Variants in POU6F2 observed in about 807,000 individuals in gnomAD.
POU6F2 encodes the protein POU class 6 homeobox 2.
In POU6F2, 31 loss-of-function variants were observed where a neutral mutation model predicts 71.3. The ratio of observed to expected loss-of-function variants is 0.43; its 90% CI spans 0.33 to 0.59. The LOEUF (loss-of-function observed/expected upper bound fraction) is 0.59. POU6F2 is among the 20% of genes least tolerant of loss of function. POU6F2 has a pLI of 0.04. For synonymous variants in POU6F2, 347 were observed against 355.7 expected, an observed-to-expected ratio of 0.98 and a Z score of 0.27; for missense variants, 783 against 856.8, an observed-to-expected ratio of 0.91 and a Z score of 1.07.
At chr7:39,385,113 A>G (rs1786908412) in intron 5 of POU6F2, among the ~76,000 whole-genome samples, 1 of 152,248 alleles carries the variant, frequency 6.6e-6, no homozygotes, top group Admixed American at 6.5e-5. Context: ...ATCCATGCAG[A>G]GTGACAAGAA....
chr7:39,159,361 A>T lies in POU6F2; in HGVS notation c.278-44874A>T, dbSNP rs6462895. 7.2e-5 allele frequency among the ~76,000 whole-genome samples: 11 copies of T among 151,972 alleles called. No individual in the cohort carries two copies. The East Asian group carries it at 1.9e-3, about 27-fold the overall frequency. On this transcript the variant is annotated intron_variant, in intron 2 of 9. Coordinates refer to ENST00000518318, the MANE Select transcript of POU6F2 (RefSeq NM_001370959.1). ...TGTTTCTTCCCCAATCCATTCTTCAACGCTCATCCAAGAAGAGGTATTAGA... is the reference window on the plus strand; with the variant it reads ...TGTTTCTTCCCCAATCCATTCTTCATCGCTCATCCAAGAAGAGGTATTAGA...
intron 4 of POU6F2, among the ~76,000 whole-genome samples, chr7:39,281,339 A>G (rs187864980): frequency 1.3e-5 from 2 of 152,256 alleles, no homozygotes; most frequent in East Asian, 3.9e-4. Flanking sequence ...ATTTTGAAAT[A>G]TACAATACAA....
chr7:39,096,345 G>T (rs537546719), intron 2 of POU6F2, among the ~76,000 whole-genome samples: 1 of 152,266 alleles, frequency 6.6e-6, no homozygotes, highest in African/African-American at 2.4e-5. Flanking sequence ...AAAGATGCAC[G>T]AGGGTTTTCC....
intron 8 of POU6F2, among the ~76,000 whole-genome samples, chr7:39,457,586 A>G (rs539832063): frequency 6.6e-6 from 1 of 152,320 alleles, no homozygotes. Flanking sequence ...TGGCACACAG[A>G]GTGCACCACA....
intron 5 of POU6F2, among the ~76,000 whole-genome samples, chr7:39,342,778 T>C (rs1785944794): frequency 6.6e-6 from 1 of 152,210 alleles, no homozygotes; most frequent in South Asian, 2.1e-4. Context: ...ACAAAAATTA[T>C]CCAAATACCT....
chr7:39,208,092 TTTAG>T (rs1447231692), intron 4 of POU6F2, among the ~76,000 whole-genome samples: 3 of 152,200 alleles, frequency 2.0e-5, no homozygotes, highest in African/African-American at 7.2e-5. Flanking sequence ...CAAAGTATGT[TTTAG>T]TTATAGTTAT....
intron 1 of POU6F2, among the ~76,000 whole-genome samples, chr7:38,995,054 A>G (rs1476693279): frequency 2.6e-5 from 4 of 152,218 alleles, no homozygotes; most frequent in African/African-American, 9.6e-5. Flanking sequence ...AAAGCCATGC[A>G]TATTCATTAT....
At chr7:39,019,401 T>C (rs1362856655) in intron 1 of POU6F2, among the ~76,000 whole-genome samples, 1 of 152,160 alleles carries the variant, frequency 6.6e-6, no homozygotes, top group Non-Finnish European at 1.5e-5. Flanking sequence ...CGAAATTTTA[T>C]AAGAATGTTC....
chr7:39,413,607 A>G (rs1330094690), intron 6 of POU6F2, among the ~76,000 whole-genome samples: 1 of 152,224 alleles, frequency 6.6e-6, no homozygotes, highest in Non-Finnish European at 1.5e-5. Context: ...ATGTCATTGT[A>G]GCAAATTTTA....
chr7:39,363,122 G>A (rs747606138), intron 5 of POU6F2, among the ~76,000 whole-genome samples: 2 of 152,216 alleles, frequency 1.3e-5, no homozygotes, highest in Non-Finnish European at 2.9e-5. Flanking sequence ...AGAGACTACT[G>A]CAGCAATCCA....
intron 1 of POU6F2, among the ~76,000 whole-genome samples, chr7:39,018,804 G>A (rs1789617011): frequency 6.6e-6 from 1 of 152,170 alleles, no homozygotes; most frequent in Non-Finnish European, 1.5e-5. Flanking sequence ...AAAGTTGAAA[G>A]TGGGAGGAAT....
chr7:39,420,927 GT>G (rs2115968353), intron 6 of POU6F2, among the ~76,000 whole-genome samples: 1 of 152,234 alleles, frequency 6.6e-6, no homozygotes, highest in Admixed American at 6.5e-5. Context: ...TTATCGATTG[GT>G]TTATTAGCAA....
intron 1 of POU6F2, among the ~76,000 whole-genome samples, chr7:39,015,697 T>TA (rs368162504): frequency 1.3e-4 from 12 of 89,174 alleles, no homozygotes; most frequent in Admixed American, 9.8e-4. Flanking sequence ...TATCTATATA[T>TA]TATATATATC....
chr7:39,089,837 A>G (rs1213655809), intron 2 of POU6F2, among the ~76,000 whole-genome samples: 2 of 152,190 alleles, frequency 1.3e-5, no homozygotes, highest in South Asian at 4.1e-4. Flanking sequence ...GAGATTTGAA[A>G]GATGATTTAT....
At chr7:39,244,155 A>C (rs1033940653) in intron 4 of POU6F2, among the ~76,000 whole-genome samples, 1 of 84,954 alleles carries the variant, frequency 1.2e-5, no homozygotes, top group Non-Finnish European at 2.2e-5. Flanking sequence ...AACTTCATAT[A>C]AAAAAAACAT....
rs1293238993 is a variant in POU6F2, at chr7:39,464,345, G to C, written c.1822G>C (p.Glu608Gln). The change falls in exon 10 of 10, where the codon GAG becomes CAG. Residue 608 changes from glutamate to glutamine, a missense_variant. This residue lies in a region of POU6F2 where 211 missense variants were observed against 283.9 expected (regional missense o/e 0.74). Coordinates refer to ENST00000518318, the MANE Select transcript of POU6F2 (RefSeq NM_001370959.1). The surrounding 1 kb of genome is among the most constrained non-coding windows in gnomAD (Gnocchi z 4.1). ...TGCCCAGAAGATCAAGCCGGTGCTT[G>C]AGCGGTGGATGGCTGAGGCTGAGGC... ...KSAQKIKPVLERWMAEAEARH... is the reference protein window; with the variant it reads ...KSAQKIKPVLQRWMAEAEARH... 3 of 1,614,056 alleles carry C rather than the reference G, an allele frequency of 1.9e-6. No homozygotes were observed. Among genetic ancestry groups the C allele is most frequent in the Non-Finnish European group, 2.5e-6 (3 of 1,179,900 alleles).
intron 1 of POU6F2, among the ~76,000 whole-genome samples, chr7:39,056,678 A>ATGTG (rs3057270): frequency 0.016 from 2,278 of 142,118 alleles, 27 homozygotes; most frequent in African/African-American, 0.038. Context: ...GTGTGTGTGT[A>ATGTG]TGTGTGTGTG....
Position 39,290,740 on chromosome 7 carries a change from T to C in POU6F2, c.599-48902T>C, listed in dbSNP as rs1487390783. On this transcript the variant is annotated intron_variant, in intron 4 of 9. Transcript: ENST00000518318. ...CCTCCTGAGATGCTCTGCAGGACTT[T>C]ATGTGGTGACTACCTGTCCTCCTTC... 1.3e-5 allele frequency among the ~76,000 whole-genome samples: 2 copies of C among 152,162 alleles called. 1 individual carries two copies. Among genetic ancestry groups the C allele is most frequent in the Admixed American group, 1.3e-4 (2 of 15,270 alleles).
At chr7:39,015,835 AT>A (rs1415419836) in intron 1 of POU6F2, among the ~76,000 whole-genome samples, 78 of 45,496 alleles carry the variant, frequency 1.7e-3, no homozygotes, top group African/African-American at 5.0e-3. Context: ...ATATAGATAT[AT>A]AATATATTAT....
Sources: gnomAD v4.1 joint callset for allele counts (sites outside exome capture counted in the v4.1 genomes callset) on GRCh38, gnomAD v4.1.1 for gene constraint, gnomAD v4.1.1 regional missense constraint, Gnocchi (gnomAD v3.1) non-coding constraint, MANE v1.5 for transcripts, NCBI Gene and HGNC (gene_info 2026-07-23, HGNC 2026-07-21) for gene names.